DOK6: variants seen among roughly 807,000 people sequenced by gnomAD.
DOK6 encodes downstream of tyrosine kinase 6.
Under a neutral mutation model 44.0 loss-of-function variants are expected in DOK6, and 22 were observed. The ratio of observed to expected loss-of-function variants is 0.50; its 90% confidence interval spans 0.36 to 0.71. The LOEUF (loss-of-function observed/expected upper bound fraction) is 0.71. DOK6 is among the 30% of genes least tolerant of loss of function. The pLI is 0.00. For synonymous variants in DOK6, 166 were observed against 145.5 expected, an observed-to-expected ratio of 1.14 and a Z score of -1.01; for missense variants, 340 against 416.4, an observed-to-expected ratio of 0.82 and a Z score of 1.60.
At chr18:69,738,699 A>G (rs142148139) in intron 5 of DOK6, among the ~76,000 whole-genome samples, 5 of 152,282 alleles carry the variant, frequency 3.3e-5, no homozygotes, top group African/African-American at 9.6e-5. Context: ...TGCCTAAATC[A>G]CCTTTTTTTT....
chr18:69,677,753 G>A lies in DOK6; in HGVS notation c.309G>A (p.Trp103Ter). 6.2e-7 allele frequency: 1 copy of A among 1,613,662 alleles called. No individual in the cohort carries two copies. The highest frequency in any genetic ancestry group is 8.5e-7 in the Non-Finnish European group (1 of 1,179,714). Residue 103 changes from tryptophan to a stop codon, truncating the protein, a stop_gained, in exon 4 of 8, where the codon TGG becomes TGA. Coordinates refer to ENST00000382713, the MANE Select transcript of DOK6 (RefSeq NM_152721.6). LOFTEE classifies it high-confidence loss of function. The part of the protein sequence containing the change: ...ACESELEAEE[W>*]CKHLCMECLG... ...TTTCAGAGCTGGAGGCCGAGGAGTG[G>A]TGCAAGCACCTCTGCATGGAGTGTC... is the stretch of plus-strand genomic sequence containing the variant.
In DOK6 at chr18:69,449,059, A is replaced by C. The variant is rs355985; in HGVS notation, c.66+47749A>C. ...AGGACTGTATTAGACTAATTTGTAC[A>C]TATGTTCATCCTAGAGATCTTTCGC... On this transcript the variant is annotated intron_variant, in intron 1 of 7. Coordinates refer to ENST00000382713, the MANE Select transcript of DOK6 (RefSeq NM_152721.6). Among the ~76,000 whole-genome samples, 606 of 152,348 alleles carry C rather than the reference A, an allele frequency of 4.0e-3. 1 individual carries two copies. The highest frequency in any genetic ancestry group is 0.014 in the African/African-American group (578 of 41,590).
chr18:69,786,176 A>G (rs1186013705), intron 7 of DOK6, among the ~76,000 whole-genome samples: 1 of 152,202 alleles, frequency 6.6e-6, no homozygotes, highest in Non-Finnish European at 1.5e-5. Flanking sequence ...CATGGAGACC[A>G]TCTAAAAATT....
chr18:69,792,310 C>T (rs1025244244), intron 7 of DOK6, among the ~76,000 whole-genome samples: 1 of 152,052 alleles, frequency 6.6e-6, no homozygotes, highest in East Asian at 1.9e-4. Context: ...ATAGGAATTG[C>T]ACTGAATCTA....
At chr18:69,472,020 G>A (rs1321160112) in intron 1 of DOK6, among the ~76,000 whole-genome samples, 1 of 152,008 alleles carries the variant, frequency 6.6e-6, no homozygotes, top group Non-Finnish European at 1.5e-5. Flanking sequence ...TCCTCAGCAG[G>A]GACTGTGGTC....
intron 1 of DOK6, among the ~76,000 whole-genome samples, chr18:69,410,976 T>C (rs1330299509): frequency 6.6e-6 from 1 of 152,170 alleles, no homozygotes; most frequent in Non-Finnish European, 1.5e-5. Flanking sequence ...ATGAGGTTTA[T>C]GTTTTATGTT....
chr18:69,824,871 A>C (rs1270594316), intron 7 of DOK6, among the ~76,000 whole-genome samples: 2 of 152,242 alleles, frequency 1.3e-5, no homozygotes, highest in Non-Finnish European at 2.9e-5. Context: ...TATCCAGGGT[A>C]TGATTCTTTT....
Position 69,841,275 on chromosome 18 carries a change from T to C in DOK6, c.888T>C (p.Arg296=), listed in dbSNP as rs767282823. 1 of 1,614,224 alleles carries C rather than the reference T, an allele frequency of 6.2e-7. No individual in the cohort carries two copies. The highest frequency in any genetic ancestry group is 1.7e-5 in the Admixed American group (1 of 60,034). The change falls in exon 8 of 8, where the codon CGT becomes CGC. Residue 296 remains arginine, a synonymous_variant. Coordinates refer to ENST00000382713, the MANE Select transcript of DOK6 (RefSeq NM_152721.6). ...GHGFGSSKMS[R]AQTFPSYAPE... Reference sequence around the variant, plus strand: ...GGTTTGGTTCGTCAAAGATGTCTCGTGCACAGACATTTCCCAGCTACGCCC... The same window carrying C: ...GGTTTGGTTCGTCAAAGATGTCTCGCGCACAGACATTTCCCAGCTACGCCC...
At chr18:69,793,678 C>T (rs539063428) in intron 7 of DOK6, among the ~76,000 whole-genome samples, 4 of 152,136 alleles carry the variant, frequency 2.6e-5, no homozygotes, top group South Asian at 2.1e-4. Context: ...ATAACTGGAA[C>T]GTGACAGAGC....
intron 1 of DOK6, among the ~76,000 whole-genome samples, chr18:69,418,436 A>G (rs1261177524): frequency 6.6e-6 from 1 of 152,110 alleles, no homozygotes; most frequent in Non-Finnish European, 1.5e-5. Flanking sequence ...AGAAATATGT[A>G]AAGTAGAATT....
At chr18:69,761,634 C>T (rs1012027433) in intron 7 of DOK6, among the ~76,000 whole-genome samples, 1 of 152,106 alleles carries the variant, frequency 6.6e-6, no homozygotes, top group Non-Finnish European at 1.5e-5. Flanking sequence ...TTGGCTGCAT[C>T]AGTTGGTGAA....
At chr18:69,622,170 C>T (rs1984457389) in intron 3 of DOK6, among the ~76,000 whole-genome samples, 2 of 152,106 alleles carry the variant, frequency 1.3e-5, no homozygotes, top group African/African-American at 4.8e-5. Flanking sequence ...ATCCTTTCTG[C>T]TTATTGTGTT....
In DOK6 at chr18:69,751,304, T is replaced by C. The variant is rs116184193; in HGVS notation, c.739-6452T>C. Among the ~76,000 whole-genome samples, 567 of 147,698 alleles carry C rather than the reference T, an allele frequency of 3.8e-3. 5 individuals carry two copies. The highest frequency in any genetic ancestry group is 0.013 in the African/African-American group (548 of 40,818). On this transcript the variant is annotated intron_variant, in intron 6 of 7. Coordinates refer to ENST00000382713, the MANE Select transcript of DOK6 (RefSeq NM_152721.6). The stretch of plus-strand genomic sequence containing the variant: ...TGAATTAATGGTTATGTTAATTAGA[T>C]TGATTTATTTCACTTGTATTCATAA...
intron 6 of DOK6, among the ~76,000 whole-genome samples, chr18:69,749,127 T>G (rs12960205): frequency 0.7 from 106,459 of 151,388 alleles, 39,396 homozygotes; most frequent in East Asian, 0.84. Flanking sequence ...GACACAGGGA[T>G]GGGGACAACA....
At chr18:69,655,897 C>T (rs995527499) in intron 3 of DOK6, among the ~76,000 whole-genome samples, 90 of 148,504 alleles carry the variant, frequency 6.1e-4, no homozygotes, top group African/African-American at 2.3e-3. Context: ...GTCCACCATA[C>T]ATCCAACATA....
chr18:69,551,575 C>T (rs996368403), intron 1 of DOK6, among the ~76,000 whole-genome samples: 1 of 152,050 alleles, frequency 6.6e-6, no homozygotes, highest in African/African-American at 2.4e-5. Context: ...GTATAAAATA[C>T]TAAGGTTCCT....
chr18:69,556,368 T>TAA (rs2144591948), intron 1 of DOK6, among the ~76,000 whole-genome samples: 1 of 152,300 alleles, frequency 6.6e-6, no homozygotes, highest in South Asian at 2.1e-4. Flanking sequence ...TCATGTTCTC[T>TAA]AATGCTGCTC....
chr18:69,550,306 A>G (rs1036840), intron 1 of DOK6, among the ~76,000 whole-genome samples: 132,512 of 152,088 alleles, frequency 0.87, 59,076 homozygotes, highest in East Asian at 0.98. Context: ...AGTAGCACTG[A>G]TGAAATTTTC....
chr18:69,536,020 G>C (rs764027043), intron 1 of DOK6, among the ~76,000 whole-genome samples: 2 of 152,164 alleles, frequency 1.3e-5, no homozygotes, highest in Non-Finnish European at 2.9e-5. Context: ...ACTAGTGCCA[G>C]ATTCAATGTC....
Sources: gnomAD v4.1 joint callset for allele counts (sites outside exome capture counted in the v4.1 genomes callset) on GRCh38, gnomAD v4.1.1 for gene constraint, MANE v1.5 for transcripts, NCBI Gene and HGNC (gene_info 2026-07-23, HGNC 2026-07-21) for gene names.